CPED1: variants seen among roughly 807,000 people sequenced by gnomAD.
The protein encoded by CPED1 is cadherin-like and PC-esterase domain-containing protein 1.
CPED1 carries 114 observed loss-of-function variants against 128.2 expected under a neutral mutation model. That is an observed-to-expected ratio of 0.89 (90% CI 0.76 to 1.04). The LOEUF (loss-of-function observed/expected upper bound fraction) is 1.04, where lower values mean the gene tolerates loss of function less well. Ranked by LOEUF, CPED1 falls within the 50% of genes least tolerant of loss-of-function variation. The probability of loss-of-function intolerance (pLI) is 0.00; values close to 1 mark genes in which losing one functional copy is unlikely to be tolerated. For missense variants in CPED1, 1,211 were observed against 1,207.1 expected (o/e 1.00, Z -0.05); for synonymous variants, 462 against 426.7 (o/e 1.08, Z -1.02).
intron 3 of CPED1, among the ~76,000 whole-genome samples, chr7:121,038,560 T>C (rs970610302): frequency 4.6e-5 from 7 of 152,144 alleles, no homozygotes; most frequent in Non-Finnish European, 8.8e-5. Flanking sequence ...ACAATCATCA[T>C]CTTGTTTCTT....
chr7:121,057,740 CAT>C (rs1756558322), intron 4 of CPED1, among the ~76,000 whole-genome samples: 1 of 152,128 alleles, frequency 6.6e-6, no homozygotes, highest in African/African-American at 2.4e-5. Flanking sequence ...ATTTATTAAA[CAT>C]ATTTATTTAG....
intron 3 of CPED1, among the ~76,000 whole-genome samples, chr7:121,040,686 C>G (rs1447073459): frequency 1.3e-5 from 2 of 151,736 alleles, no homozygotes; most frequent in Non-Finnish European, 2.9e-5. Flanking sequence ...TACAAATGAA[C>G]AGTGAACAGA....
chr7:121,120,383 A>G (rs1043741142), intron 7 of CPED1, among the ~76,000 whole-genome samples: 1 of 152,146 alleles, frequency 6.6e-6, no homozygotes, highest in African/African-American at 2.4e-5. Flanking sequence ...TCTAATTTGC[A>G]TTTCCCTAAT....
At chr7:121,280,801 C>G (rs1347703910) in intron 22 of CPED1, among the ~76,000 whole-genome samples, 1 of 152,110 alleles carries the variant, frequency 6.6e-6, no homozygotes, top group African/African-American at 2.4e-5. Flanking sequence ...ATTTTTATTC[C>G]ACTTTTGTGA....
chr7:121,056,640 C>G (rs1793505762), intron 4 of CPED1, among the ~76,000 whole-genome samples: 1 of 152,162 alleles, frequency 6.6e-6, no homozygotes, highest in Admixed American at 6.5e-5. Context: ...GTTTTCAAAT[C>G]TCCTCTGGGA....
At chr7:121,194,101 T>A (rs964360458) in intron 16 of CPED1, among the ~76,000 whole-genome samples, 8 of 142,898 alleles carry the variant, frequency 5.6e-5, no homozygotes, top group African/African-American at 2.1e-4. Context: ...CAGGCTATAG[T>A]GCAGTGGTCT....
intron 17 of CPED1, among the ~76,000 whole-genome samples, chr7:121,239,971 G>A (rs534401452): frequency 5.3e-5 from 8 of 152,194 alleles, no homozygotes; most frequent in Admixed American, 3.9e-4. Flanking sequence ...TTTTAGTAAA[G>A]AGCTGGTATT....
chr7:121,142,148 G>A lies in CPED1; in HGVS notation c.2055+7G>A. 1.9e-6 allele frequency: 3 copies of A among 1,588,346 alleles called. No homozygotes were observed. Among genetic ancestry groups the A allele is most frequent in the Non-Finnish European group, 2.6e-6 (3 of 1,161,818 alleles). On this transcript the variant is annotated splice_region_variant and intron_variant, in intron 16 of 22. Coordinates refer to ENST00000310396, the MANE Select transcript of CPED1 (RefSeq NM_024913.5). ...AGCATGTGGTTTTGTGCAGGTAAGT[G>A]AAGTTTACATTTGCACTTGGGTTGA...
At chr7:121,004,240 G>A (rs1791945607) in intron 2 of CPED1, among the ~76,000 whole-genome samples, 1 of 152,220 alleles carries the variant, frequency 6.6e-6, no homozygotes, top group Admixed American at 6.5e-5. Flanking sequence ...GAATGCCAAG[G>A]GGAGAAGGCA....
At chr7:121,250,910 C>T (rs1034985696) in intron 18 of CPED1, among the ~76,000 whole-genome samples, 17 of 152,158 alleles carry the variant, frequency 1.1e-4, no homozygotes, top group African/African-American at 3.4e-4. Context: ...TGGTACCATT[C>T]CTTCTGAAAT....
chr7:121,128,965 G>A (rs935958995), intron 11 of CPED1, among the ~76,000 whole-genome samples: 2 of 151,764 alleles, frequency 1.3e-5, no homozygotes, highest in African/African-American at 2.4e-5. Flanking sequence ...TTCAAAGAAA[G>A]AAAATGTAAA....
intron 18 of CPED1, among the ~76,000 whole-genome samples, chr7:121,262,280 T>A (rs1372951971): frequency 3.3e-5 from 5 of 152,064 alleles, no homozygotes; most frequent in Non-Finnish European, 7.4e-5. Context: ...AATAAATCTT[T>A]TATCTTCATA....
chr7:121,224,402 G>T (rs1425757388), intron 16 of CPED1, among the ~76,000 whole-genome samples: 1 of 152,180 alleles, frequency 6.6e-6, no homozygotes, highest in Admixed American at 6.6e-5. Flanking sequence ...TTTAGAATAA[G>T]TGCTATGTGG....
intron 22 of CPED1, among the ~76,000 whole-genome samples, chr7:121,276,728 C>T (rs758510787): frequency 1.3e-5 from 2 of 152,106 alleles, no homozygotes; most frequent in Admixed American, 6.6e-5. Context: ...CCATTGCAAT[C>T]CCATAGAATA....
chr7:121,140,756 AATC>A, intron 14 of CPED1, 68 bp from the exon 15 acceptor site: 1 of 1,089,572 alleles, frequency 9.2e-7, no homozygotes, highest in Non-Finnish European at 1.3e-6. Context: ...AGAAAAACCT[AATC>A]ATATATTATT....
At position 121,157,807 on chromosome 7, in the gene CPED1, G is replaced by T. The variant is rs531037130; in HGVS notation, c.2055+15666G>T. Among the ~76,000 whole-genome samples the T allele has an allele frequency of 2.0e-5, 3 of 152,184 alleles. No individual in the cohort carries two copies. The East Asian group carries it at 5.8e-4, about 29-fold the overall frequency. On this transcript the variant is annotated intron_variant, in intron 16 of 22. Transcript: ENST00000310396. ...ACACGGTTCTTGAGTTCCTGAAAAT[G>T]AATAAAGTGAATGAATAAAATGAGT... is the stretch of plus-strand genomic sequence containing the variant.
intron 9 of CPED1, 60 bp downstream of exon 9, chr7:121,125,952 GTGT>G (rs778607187): frequency 1.1e-4 from 133 of 1,198,214 alleles, no homozygotes; most frequent in East Asian, 2.1e-4. Flanking sequence ...CAGTGTGTGT[GTGT>G]TGTTGTTGTT....
rs1792812812 is a variant in CPED1 at position 121,295,783 on chromosome 7, A to G, written c.*131A>G. Reference sequence around the variant, plus strand: ...CACACTTGTGCACACCAGCACATGCATGCACACCAGTACACACACAGTTAA... The same window carrying G: ...CACACTTGTGCACACCAGCACATGCGTGCACACCAGTACACACACAGTTAA... On this transcript the variant is annotated 3_prime_UTR_variant, in exon 23 of 23. Transcript: ENST00000310396. 1.5e-6 allele frequency: 1 copy of G among 663,778 alleles called. No individual in the cohort carries two copies. The allele number at this position is 663,778 out of a possible 1,614,324, so 41.1% of individuals were successfully genotyped here. A position where few individuals can be genotyped will look rare whatever the true frequency, so the allele number is the denominator to read the frequency against.
chr7:121,192,334 G>T (rs1389070735), intron 16 of CPED1, among the ~76,000 whole-genome samples: 1 of 152,102 alleles, frequency 6.6e-6, no homozygotes, highest in South Asian at 2.1e-4. Context: ...GGAGCGTTTT[G>T]GATTTCAGAT....
Sources: allele counts gnomAD v4.1 joint callset (sites outside exome capture counted in the v4.1 genomes callset), GRCh38; gene constraint gnomAD v4.1.1; transcripts MANE v1.5; gene names NCBI Gene and HGNC (gene_info 2026-07-23, HGNC 2026-07-21).